ATAD2B: variants seen among roughly 807,000 people sequenced by gnomAD.
ATAD2B encodes the protein ATPase family AAA domain-containing protein 2B.
In ATAD2B, 40 loss-of-function variants were observed where a neutral mutation model predicts 167.6. The observed-to-expected ratio is 0.24, with a 90% CI of 0.19 to 0.31. The LOEUF is 0.31. Ranked by LOEUF, ATAD2B falls within the 10% of genes least tolerant of loss-of-function variation. The probability of loss-of-function intolerance (pLI) is 1.00; values close to 1 mark genes in which losing one functional copy is unlikely to be tolerated. For synonymous variants in ATAD2B, 579 were observed against 596.5 expected (o/e 0.97, Z 0.43); for missense variants, 1,242 against 1,757.2 (o/e 0.71, Z 5.24).
At position 23,823,360 on chromosome 2, in the gene ATAD2B, G is replaced by T. The variant is rs755167107; in HGVS notation, c.2029C>A (p.Pro677Thr). 6.2e-6 allele frequency: 10 copies of T among 1,613,898 alleles called. 1 individual carries two copies. The South Asian group carries it at 1.1e-4, about 18-fold the overall frequency. The change falls in exon 16 of 28, where the codon CCC becomes ACC. Residue 677 changes from proline to threonine, a missense_variant. Transcript: ENST00000238789. ...CTTTCCAGCAGTGGTCTTATGATGG[G>T]GGATAGTGCATGCCCTGAAGACATC... The part of the protein sequence containing the change: ...AVMSSGHALS[P>T]IIRPLLERSF...
At chr2:23,742,015 C>T in the ATAD2B span, among the ~76,000 whole-genome samples, 3 of 152,164 alleles carry the variant, frequency 2.0e-5, no homozygotes, top group Non-Finnish European at 2.9e-5. Flanking sequence ...TACCATCTCA[C>T]ACCAGTTGGA....
intron 18 of ATAD2B, 142 bp downstream of exon 18, chr2:23,810,174 G>C (rs1350926358): frequency 1.5e-6 from 1 of 687,060 alleles, no homozygotes; most frequent in Non-Finnish European, 2.3e-6. Flanking sequence ...ACTAATACTA[G>C]AATGCTAATG....
At chr2:23,918,862 T>C (rs942966728) in intron 1 of ATAD2B, among the ~76,000 whole-genome samples, 5 of 152,240 alleles carry the variant, frequency 3.3e-5, no homozygotes, top group African/African-American at 1.2e-4. Flanking sequence ...CACAGGCCAC[T>C]TAACCTCTAA....
chr2:23,723,456 AAGGG>A, the ATAD2B span, among the ~76,000 whole-genome samples: 4 of 109,250 alleles, frequency 3.7e-5, no homozygotes, highest in Non-Finnish European at 5.3e-5. Flanking sequence ...GGGAAGGAGA[AAGGG>A]AGGGAGGGAG....
At chr2:23,703,166 CTT>C in the ATAD2B span, 1 of 1,403,772 alleles carries the variant, frequency 7.1e-7, no homozygotes. Flanking sequence ...ACCCTGGGCT[CTT>C]TTTCTCCTCT....
chr2:23,823,920 CTT>C (rs869117334), intron 15 of ATAD2B, among the ~76,000 whole-genome samples: 11 of 144,484 alleles, frequency 7.6e-5, no homozygotes, highest in Non-Finnish European at 9.2e-5. Context: ...CAATGTACAA[CTT>C]TTTTTTTTTT....
At chr2:23,724,056 G>T in the ATAD2B span, among the ~76,000 whole-genome samples, 1 of 152,032 alleles carries the variant, frequency 6.6e-6, no homozygotes, top group Non-Finnish European at 1.5e-5. Flanking sequence ...TTGTATCTGC[G>T]GAAGTTAAAA....
intron 2 of ATAD2B, among the ~76,000 whole-genome samples, chr2:23,889,541 C>T (rs1558741304): frequency 1.3e-5 from 2 of 152,144 alleles, no homozygotes; most frequent in South Asian, 4.1e-4. Context: ...TACTCCAGTA[C>T]TCTTCAAGTT....
intron 13 of ATAD2B, among the ~76,000 whole-genome samples, chr2:23,838,450 TAA>T (rs11301797): frequency 6.8e-6 from 1 of 147,094 alleles, no homozygotes; most frequent in African/African-American, 2.5e-5. Flanking sequence ...AAGTTGTCTT[TAA>T]AAAAAAAAAA....
chr2:23,885,684 A>G (rs1236781423), intron 5 of ATAD2B, 43 bp downstream of exon 5: 13 of 1,223,020 alleles, frequency 1.1e-5, no homozygotes, highest in Non-Finnish European at 1.5e-5. Flanking sequence ...CCTCAATTAA[A>G]ATGAAAAATA....
the ATAD2B span, chr2:23,706,922 G>A: frequency 2.8e-5 from 11 of 389,088 alleles, no homozygotes; most frequent in Non-Finnish European, 4.6e-5. Context: ...AGGGGCGCTC[G>A]CTCTGCCAGG....
In ATAD2B at chr2:23,754,929, T is replaced by C. The variant is rs574600560; in HGVS notation, c.4079-155A>G. On this transcript the variant is annotated intron_variant, in intron 25 of 27. Transcript: ENST00000238789. ...TTTTTTTTAAAGCAACCCAATGTGG[T>C]AGATTTTTTATTGGTAAGACTAAGT... The C allele has an allele frequency of 1.2e-4, 79 of 685,724 alleles. No homozygotes were observed. In the African/African-American group the frequency reaches 1.4e-3, roughly 12 times the overall value. The allele number at this position is 685,724 out of a possible 1,614,324, so 42.5% of individuals were successfully genotyped here.
intron 1 of ATAD2B, among the ~76,000 whole-genome samples, chr2:23,915,268 T>G (rs906320513): frequency 6.6e-6 from 1 of 152,122 alleles, no homozygotes; most frequent in South Asian, 2.1e-4. Flanking sequence ...TAACCAAGTA[T>G]TCTATCATCT....
rs67788174 is a variant in ATAD2B, at chr2:23,780,267, T to TTGTGTGTGTG, written c.3133+2592_3133+2601dup. Reference sequence around the variant, plus strand: ...TGTCTCCAAAAAAAAAAGTATATACTTGTGTGTGTGTGTGTGTGTGTGTGT... The same window carrying TTGTGTGTGTG: ...TGTCTCCAAAAAAAAAAGTATATACTTGTGTGTGTGTGTGTGTGTGTGTGTGTGTGTGTGT... On this transcript the variant is annotated intron_variant, in intron 22 of 27. Transcript: ENST00000238789. 4.2e-3 allele frequency among the ~76,000 whole-genome samples: 611 copies of TTGTGTGTGTG among 144,070 alleles called. 4 individuals carry two copies. The highest frequency in any genetic ancestry group is 8.3e-3 in the South Asian group (37 of 4,450). The allele number at this position is 144,070 out of a possible 152,430, so 94.5% of individuals were successfully genotyped here.
chr2:23,889,457 C>G (rs566169352), intron 2 of ATAD2B, among the ~76,000 whole-genome samples: 1 of 151,790 alleles, frequency 6.6e-6, no homozygotes, highest in Non-Finnish European at 1.5e-5. Context: ...CGTAAGCCAC[C>G]GCGCCCAGCC....
downstream of ATAD2B, among the ~76,000 whole-genome samples, chr2:23,748,012 G>A (rs546080582): frequency 1.1e-4 from 16 of 152,128 alleles, 1 homozygote; most frequent in South Asian, 3.3e-3. Flanking sequence ...ATGTTTTGCA[G>A]GTTTATTATT....
intron 15 of ATAD2B, among the ~76,000 whole-genome samples, chr2:23,828,397 T>C (rs2149701411): frequency 6.6e-6 from 1 of 152,340 alleles, no homozygotes; most frequent in East Asian, 1.9e-4. Flanking sequence ...ACTATTTTCT[T>C]TGAAGACCTC....
the ATAD2B span, among the ~76,000 whole-genome samples, chr2:23,735,531 G>A: frequency 3.3e-5 from 5 of 152,042 alleles, no homozygotes; most frequent in Admixed American, 6.5e-5. Context: ...CTCCACTCTC[G>A]CCTTCTTTTA....
intron 19 of ATAD2B, among the ~76,000 whole-genome samples, chr2:23,796,251 G>A (rs1185619650): frequency 1.3e-5 from 2 of 152,138 alleles, no homozygotes; most frequent in Non-Finnish European, 2.9e-5. Flanking sequence ...GAGAGGGAAA[G>A]GAGCTGAAAT....
Sources: allele counts gnomAD v4.1 joint callset (sites outside exome capture counted in the v4.1 genomes callset), GRCh38; gene constraint gnomAD v4.1.1; transcripts MANE v1.5; gene names NCBI Gene and HGNC (gene_info 2026-07-23, HGNC 2026-07-21).